The following PLCXD1 variants were observed in gnomAD, a reference collection of about 807,000 sequenced individuals.
PLCXD1 encodes phosphatidylinositol specific phospholipase C X domain containing 1, also known as PI-PLC X domain-containing protein 1.
Under a neutral mutation model 37.8 loss-of-function variants are expected in PLCXD1, and 45 were observed. The observed-to-expected ratio is 1.19, with a 90% CI of 0.94 to 1.53. The LOEUF is 1.53. Ranked by LOEUF, PLCXD1 falls within the 40% of genes most tolerant of loss-of-function variation. The pLI is 0.00. For synonymous variants in PLCXD1, 246 were observed against 206.9 expected, an observed-to-expected ratio of 1.19 and a Z score of -1.62; for missense variants, 539 against 454.7, an observed-to-expected ratio of 1.19 and a Z score of -1.69.
intron 2 of PLCXD1, among the ~76,000 whole-genome samples, chrX:284,557 CAT>C (rs372856484): frequency 2.2e-4 from 33 of 150,648 alleles, no homozygotes; most frequent in African/African-American, 4.6e-4. Context: ...GGCATGCACA[CAT>C]GTGCACACAT....
At chrX:278,505 A>C (rs894117500), upstream of PLCXD1, among the ~76,000 whole-genome samples, 2 of 151,994 alleles carry the variant, frequency 1.3e-5, no homozygotes, top group East Asian at 1.9e-4. Flanking sequence ...TTGGGAGGCC[A>C]AGGCGGGCAG....
In PLCXD1 at chrX:293,014, C is replaced by T. The variant is rs754440423; in HGVS notation, c.550-21C>T. On this transcript the variant is annotated intron_variant, in intron 5 of 6. Coordinates refer to ENST00000381657, the MANE Select transcript of PLCXD1 (RefSeq NM_018390.4). Reference sequence around the variant, plus strand: ...CGGCTCTCCTCTCTCCCCTGCACCCCTTAACTCTGGTCCTTTGCAGGAGGT... The same window carrying T: ...CGGCTCTCCTCTCTCCCCTGCACCCTTTAACTCTGGTCCTTTGCAGGAGGT... 12 of 1,587,998 alleles carry T rather than the reference C, an allele frequency of 7.6e-6. No individual in the cohort carries two copies. The African/African-American group carries it at 1.6e-4, about 21-fold the overall frequency.
At chrX:288,900 G>C (rs2069541594) in intron 3 of PLCXD1, 31 bp downstream of exon 3, 1 of 1,607,270 alleles carries the variant, frequency 6.2e-7, no homozygotes, top group African/African-American at 1.3e-5. Context: ...TGCTGACCTG[G>C]CCTGTCAGCT....
At chrX:289,141 G>A (rs920115286) in intron 3 of PLCXD1, among the ~76,000 whole-genome samples, 2 of 152,180 alleles carry the variant, frequency 1.3e-5, no homozygotes, top group African/African-American at 4.8e-5. Flanking sequence ...GGGCTGGAGT[G>A]CAGTGGCGTG....
At chrX:292,476 A>G (rs2069669674) in intron 5 of PLCXD1, among the ~76,000 whole-genome samples, 2 of 151,918 alleles carry the variant, frequency 1.3e-5, no homozygotes, top group African/African-American at 4.8e-5. Context: ...AAAAATAAAA[A>G]TAAATAAATA....
intron 6 of PLCXD1, among the ~76,000 whole-genome samples, chrX:296,063 T>C (rs1654066993): frequency 6.6e-6 from 1 of 152,042 alleles, no homozygotes; most frequent in South Asian, 2.1e-4. Flanking sequence ...CTGCCCGCCT[T>C]GGCCTCCCAA....
At chrX:298,939 C>A (rs1239965355) in intron 6 of PLCXD1, among the ~76,000 whole-genome samples, 158 bp from the exon 7 acceptor site, 2 of 152,150 alleles carry the variant, frequency 1.3e-5, no homozygotes, top group Non-Finnish European at 2.9e-5. Flanking sequence ...TACTGCCCAC[C>A]ACGCTTTATA....
chrX:285,752 T>C (rs773980411), intron 2 of PLCXD1, among the ~76,000 whole-genome samples: 3 of 152,022 alleles, frequency 2.0e-5, no homozygotes, highest in Admixed American at 6.5e-5. Flanking sequence ...CGGACACACA[T>C]ACACATGCAC....
intron 2 of PLCXD1, among the ~76,000 whole-genome samples, chrX:287,322 T>C (rs2069477718): frequency 7.1e-6 from 1 of 141,108 alleles, no homozygotes; most frequent in African/African-American, 2.5e-5. Context: ...ATTTATATAT[T>C]ATATTTATAA....
At chrX:295,406 C>T (rs994352050) in intron 6 of PLCXD1, among the ~76,000 whole-genome samples, 11 of 152,082 alleles carry the variant, frequency 7.2e-5, no homozygotes, top group East Asian at 1.9e-4. Flanking sequence ...TTCACGGCCG[C>T]GAGGGCTGCT....
chrX:290,242 A>G (rs977411471), intron 3 of PLCXD1, among the ~76,000 whole-genome samples: 3 of 152,058 alleles, frequency 2.0e-5, no homozygotes, highest in Admixed American at 6.5e-5. Context: ...CCTGGCTAAC[A>G]TGTTGAAACC....
rs2070015107 is a variant in PLCXD1, at chrX:301,500, G to C, written c.*2165G>C. Reference sequence around the variant, plus strand: ...CTGTTGCTCAGGCTGGTGTGTAGTAGGGGCACAGTCATAGCTCACTGTAAC... The same window carrying C: ...CTGTTGCTCAGGCTGGTGTGTAGTACGGGCACAGTCATAGCTCACTGTAAC... On this transcript the variant is annotated 3_prime_UTR_variant, in exon 7 of 7. Coordinates refer to ENST00000381657, the MANE Select transcript of PLCXD1 (RefSeq NM_018390.4). The C allele has an allele frequency of 6.6e-6, 1 of 152,112 alleles. No individual in the cohort carries two copies. The highest frequency in any genetic ancestry group is 1.5e-5 in the Non-Finnish European group (1 of 68,108). 9.4% of individuals were successfully genotyped at this position (152,112 alleles called of 1,614,324 possible).
chrX:282,999 ATATT>A (rs1327050961), intron 1 of PLCXD1, among the ~76,000 whole-genome samples: 1 of 146,660 alleles, frequency 6.8e-6, no homozygotes, highest in Non-Finnish European at 1.5e-5. Flanking sequence ...TTATATGTAT[ATATT>A]ATATATGTTA....
chrX:299,864 A>C lies in PLCXD1; in HGVS notation c.*529A>C. 7.9e-6 allele frequency: 1 copy of C among 127,146 alleles called. No individual in the cohort carries two copies. Among genetic ancestry groups the C allele is most frequent in the Non-Finnish European group, 1.7e-5 (1 of 58,340 alleles). 7.9% of individuals were successfully genotyped at this position (127,146 alleles called of 1,614,324 possible). A position where few individuals can be genotyped will look rare whatever the true frequency, so the allele number is the denominator to read the frequency against. On this transcript the variant is annotated 3_prime_UTR_variant, in exon 7 of 7. Coordinates refer to ENST00000381657, the MANE Select transcript of PLCXD1 (RefSeq NM_018390.4). ...AGGTCAGGAGTTCGAGACCAGCCTGACCAACATGGTGAAACCCCGTCTCTA... is the reference window on the plus strand; with the variant it reads ...AGGTCAGGAGTTCGAGACCAGCCTGCCCAACATGGTGAAACCCCGTCTCTA...
At chrX:281,322 C>A (rs2069271107), upstream of PLCXD1, 1 of 160,840 alleles carries the variant, frequency 6.2e-6, no homozygotes, top group Admixed American at 6.4e-5. Context: ...AGAATGGGCT[C>A]CTCCTCCTGG....
rs1426913944 is a variant in PLCXD1 at position 302,300 on chromosome X, C to T, written c.*2965C>T. 2 of 152,314 alleles carry T rather than the reference C, an allele frequency of 1.3e-5. No individual in the cohort carries two copies. The highest frequency in any genetic ancestry group is 1.5e-5 in the Non-Finnish European group (1 of 68,218). 9.4% of individuals were successfully genotyped at this position (152,314 alleles called of 1,614,324 possible). A position where few individuals can be genotyped will look rare whatever the true frequency, so the allele number is the denominator to read the frequency against. ...CCCCCCACGGAAGGCGCCCCCAGTC[C>T]GTGTGGGAGACTCGCACACCGGTTT... On this transcript the variant is annotated 3_prime_UTR_variant, in exon 7 of 7. Transcript: ENST00000381657.
chrX:282,835 A>G (rs780276212), intron 1 of PLCXD1, among the ~76,000 whole-genome samples: 111 of 147,280 alleles, frequency 7.5e-4, no homozygotes, highest in South Asian at 1.5e-3. Context: ...TTATATATAT[A>G]TACTTATATA....
chrX:290,090 T>A (rs1263475988), intron 3 of PLCXD1, among the ~76,000 whole-genome samples: 1 of 152,042 alleles, frequency 6.6e-6, no homozygotes, highest in East Asian at 2.0e-4. Flanking sequence ...CCCGGGCAGC[T>A]GGGACTACAG....
At position 299,229 on chromosome X, in the gene PLCXD1, C is replaced by A. The variant is rs757844947; in HGVS notation, c.866C>A (p.Pro289Gln). 1 of 1,613,742 alleles carries A rather than the reference C, an allele frequency of 6.2e-7. No individual in the cohort carries two copies. The highest frequency in any genetic ancestry group is 8.5e-7 in the Non-Finnish European group (1 of 1,179,868). ...RLSAWVREQC[P>Q]GPGSRCTNII... ...AGCGCGTGGGTCCGAGAGCAGTGCC[C>A]GGGGCCGGGTTCACGGTGCACCAAC... The change falls in exon 7 of 7, where the codon CCG becomes CAG. Residue 289 changes from proline to glutamine, a missense_variant. Coordinates refer to ENST00000381657, the MANE Select transcript of PLCXD1 (RefSeq NM_018390.4).
Sources: gnomAD v4.1 joint callset for allele counts (sites outside exome capture counted in the v4.1 genomes callset) on GRCh38, gnomAD v4.1.1 for gene constraint, MANE v1.5 for transcripts, NCBI Gene and HGNC (gene_info 2026-07-23, HGNC 2026-07-21) for gene names.